The following NCKAP5 variants were observed in gnomAD, a reference collection of about 807,000 sequenced individuals.
NCKAP5 encodes nck-associated protein 5.
Under a neutral mutation model 167.0 loss-of-function variants are expected in NCKAP5, and 92 were observed. That is an observed-to-expected ratio of 0.55 (90% CI 0.47 to 0.66). NCKAP5 has a LOEUF of 0.66. Ranked by LOEUF, NCKAP5 falls within the 30% of genes least tolerant of loss-of-function variation. The pLI, the probability that NCKAP5 is intolerant of heterozygous loss-of-function variation, is 0.00. For missense variants in NCKAP5, 2,378 were observed against 2,315.0 expected, an observed-to-expected ratio of 1.03 and a Z score of -0.56; for synonymous variants, 891 against 877.4, an observed-to-expected ratio of 1.02 and a Z score of -0.27.
At chr2:133,323,225 G>A (rs951956957) in intron 3 of NCKAP5, among the ~76,000 whole-genome samples, 14 of 151,994 alleles carry the variant, frequency 9.2e-5, no homozygotes, top group Admixed American at 2.0e-4. Context: ...ACTCTATTTC[G>A]TGATCATGTA....
At chr2:133,635,269 T>C in the NCKAP5 span, among the ~76,000 whole-genome samples, 1 of 152,212 alleles carries the variant, frequency 6.6e-6, no homozygotes, top group Non-Finnish European at 1.5e-5. Flanking sequence ...GATGTAATCA[T>C]GCAGTCTATT....
At chr2:133,208,104 C>T (rs998308543) in intron 5 of NCKAP5, among the ~76,000 whole-genome samples, 3 of 152,062 alleles carry the variant, frequency 2.0e-5, no homozygotes, top group African/African-American at 4.8e-5. Context: ...TTCAGGAGGC[C>T]AAGGCAGGCA....
chr2:133,668,865 T>C, the NCKAP5 span, among the ~76,000 whole-genome samples: 1 of 152,178 alleles, frequency 6.6e-6, no homozygotes, highest in Admixed American at 6.5e-5. Context: ...GTATCCTCTT[T>C]CTCAAACTCT....
At chr2:133,451,509 T>C (rs1236194547) in intron 3 of NCKAP5, among the ~76,000 whole-genome samples, 7 of 152,194 alleles carry the variant, frequency 4.6e-5, no homozygotes, top group African/African-American at 1.7e-4. Context: ...ACAGATCTTT[T>C]CCCTGGAATG....
At chr2:133,546,514 G>A (rs927111202) in intron 2 of NCKAP5, among the ~76,000 whole-genome samples, 13 of 152,094 alleles carry the variant, frequency 8.5e-5, no homozygotes, top group Non-Finnish European at 1.6e-4. Context: ...GGGATATCAC[G>A]CGATGTGTGC....
At chr2:132,751,952 A>G (rs191786849) in intron 16 of NCKAP5, among the ~76,000 whole-genome samples, 16 of 152,362 alleles carry the variant, frequency 1.1e-4, no homozygotes, top group Non-Finnish European at 1.8e-4. Flanking sequence ...ATTTCATCTG[A>G]GTTCCCTGGC....
At chr2:133,201,455 A>T (rs756747364) in intron 5 of NCKAP5, among the ~76,000 whole-genome samples, 4 of 152,208 alleles carry the variant, frequency 2.6e-5, no homozygotes, top group Non-Finnish European at 5.9e-5. Flanking sequence ...GAAGCCAGAC[A>T]CAAAAGAGTA....
At chr2:132,797,134 C>T (rs1047042835) in intron 11 of NCKAP5, among the ~76,000 whole-genome samples, 2 of 152,180 alleles carry the variant, frequency 1.3e-5, no homozygotes, top group Admixed American at 1.3e-4. Context: ...TGGTTAAAAT[C>T]TGAGCAGATA....
At chr2:132,752,202 G>A (rs1270315569) in intron 16 of NCKAP5, among the ~76,000 whole-genome samples, 1 of 152,198 alleles carries the variant, frequency 6.6e-6, no homozygotes, top group Non-Finnish European at 1.5e-5. Flanking sequence ...CCATTTGCAG[G>A]CATGCAGGTT....
chr2:132,723,466 G>A (rs1211443315), intron 19 of NCKAP5, among the ~76,000 whole-genome samples: 2 of 152,010 alleles, frequency 1.3e-5, no homozygotes. Flanking sequence ...CCGGCCATTA[G>A]GTGGTATTTT....
intron 6 of NCKAP5, among the ~76,000 whole-genome samples, chr2:133,050,817 C>T (rs2079574762): frequency 6.6e-6 from 1 of 152,192 alleles, no homozygotes; most frequent in Non-Finnish European, 1.5e-5. Flanking sequence ...TTACTTTCTT[C>T]ATTTATCACC....
Position 132,672,973 on chromosome 2 carries a change from C to CACAA in NCKAP5, c.*315_*316insTTGT. On this transcript the variant is annotated 3_prime_UTR_variant, in exon 20 of 20. Transcript: ENST00000409261. ...AGCGGTGCACCCCCCACCCCCCACC[C>CACAA]ATCATTTCTTAAGCGCTCCAGTCCC... 4.3e-6 allele frequency: 1 copy of CACAA among 233,498 alleles called. No homozygotes were observed. The highest frequency in any genetic ancestry group is 3.0e-5 in the African/African-American group (1 of 33,032). The allele number at this position is 233,498 out of a possible 1,614,324, so 14.5% of individuals were successfully genotyped here.
At chr2:133,296,342 C>T (rs1379488290) in intron 4 of NCKAP5, among the ~76,000 whole-genome samples, 2 of 151,890 alleles carry the variant, frequency 1.3e-5, no homozygotes, top group African/African-American at 2.4e-5. Flanking sequence ...CTCTAACATC[C>T]CCACCCCCAC....
rs531387004 is a variant in NCKAP5, at chr2:133,412,259, G to A, written c.69+105199C>T. Among the ~76,000 whole-genome samples the A allele has an allele frequency of 2.1e-3, 318 of 152,308 alleles. 5 individuals carry two copies. Among genetic ancestry groups the A allele is most frequent in the Admixed American group, 5.4e-3 (82 of 15,298 alleles). On this transcript the variant is annotated intron_variant, in intron 3 of 19. Transcript: ENST00000409261. Reference sequence around the variant, plus strand: ...TCTTTTTCTGCCATGCGGGGATAATGAAAGCAGCCATCTGCAACCTCGAAG... The same window carrying A: ...TCTTTTTCTGCCATGCGGGGATAATAAAAGCAGCCATCTGCAACCTCGAAG...
At chr2:133,163,391 C>T (rs2083876431) in intron 5 of NCKAP5, among the ~76,000 whole-genome samples, 2 of 152,210 alleles carry the variant, frequency 1.3e-5, no homozygotes, top group South Asian at 4.1e-4. Flanking sequence ...CCTTCTTGCT[C>T]CTGAGCTGCA....
intron 7 of NCKAP5, among the ~76,000 whole-genome samples, chr2:132,974,804 T>G (rs2076931893): frequency 6.6e-6 from 1 of 152,214 alleles, no homozygotes; most frequent in African/African-American, 2.4e-5. Flanking sequence ...CTCAGGTGAC[T>G]ACTAGCAGAA....
At chr2:133,263,121 A>G (rs745316062) in intron 4 of NCKAP5, among the ~76,000 whole-genome samples, 4 of 152,200 alleles carry the variant, frequency 2.6e-5, no homozygotes, top group Non-Finnish European at 5.9e-5. Flanking sequence ...CTAACTTCCC[A>G]AATAGATCTA....
At chr2:133,261,572 C>T (rs1047222008) in intron 4 of NCKAP5, among the ~76,000 whole-genome samples, 5 of 152,178 alleles carry the variant, frequency 3.3e-5, no homozygotes, top group African/African-American at 9.7e-5. Flanking sequence ...ATACAAACCC[C>T]TCTTCCAGCT....
intron 4 of NCKAP5, among the ~76,000 whole-genome samples, chr2:133,234,382 C>T (rs1185885951): frequency 6.6e-6 from 1 of 152,164 alleles, no homozygotes; most frequent in Non-Finnish European, 1.5e-5. Context: ...AAACTCATAA[C>T]CATTAAACAA....
Sources: allele counts gnomAD v4.1 joint callset (sites outside exome capture counted in the v4.1 genomes callset), GRCh38; gene constraint gnomAD v4.1.1; transcripts MANE v1.5; gene names NCBI Gene and HGNC (gene_info 2026-07-23, HGNC 2026-07-21).